SRGAP2B: variants seen among roughly 807,000 people sequenced by gnomAD.
The protein encoded by SRGAP2B is SLIT-ROBO Rho GTPase activating protein 2B, also known as SLIT-ROBO Rho GTPase-activating protein 2B.
A neutral mutation model predicts 22.2 loss-of-function variants in SRGAP2B; 9 were observed. The ratio of observed to expected loss-of-function variants is 0.41; its 90% CI spans 0.24 to 0.71. The LOEUF (loss-of-function observed/expected upper bound fraction) is 0.71, where lower values mean the gene tolerates loss of function less well. Among genes scored for constraint, SRGAP2B ranks in the 30% least tolerant of loss-of-function variants. SRGAP2B has a pLI of 0.35. For synonymous variants in SRGAP2B, 36 were observed against 87.4 expected (o/e 0.41, Z 3.28); for missense variants, 114 against 235.8 (o/e 0.48, Z 3.38).
At chr1:144,979,996 A>G (rs1291673803) in intron 3 of SRGAP2B, among the ~76,000 whole-genome samples, 2 of 150,754 alleles carry the variant, frequency 1.3e-5, no homozygotes, top group Non-Finnish European at 2.9e-5. Context: ...GAAAGGACAC[A>G]CATTTCCACC....
At chr1:144,911,666 G>T (rs1377452277) in intron 5 of SRGAP2B, among the ~76,000 whole-genome samples, 1 of 147,418 alleles carries the variant, frequency 6.8e-6, no homozygotes. Flanking sequence ...CCCCCAGGCT[G>T]GAGTGCAGTG....
At chr1:144,907,684 T>C (rs1345263615) in intron 5 of SRGAP2B, among the ~76,000 whole-genome samples, 2 of 150,050 alleles carry the variant, frequency 1.3e-5, no homozygotes, top group Admixed American at 6.6e-5. Flanking sequence ...GGGATGCTGC[T>C]GAACATCCCA....
intron 4 of SRGAP2B, among the ~76,000 whole-genome samples, chr1:144,945,747 TTA>T (rs1666447692): frequency 1.5e-5 from 2 of 136,368 alleles, no homozygotes; most frequent in South Asian, 5.3e-4. Context: ...TTGAAAAAAA[TTA>T]TCTGATTCCA....
chr1:144,944,586 CAAAAAAA>C (rs3061760), intron 4 of SRGAP2B, among the ~76,000 whole-genome samples: 30 of 17,826 alleles, frequency 1.7e-3, no homozygotes, highest in African/African-American at 4.7e-3. Flanking sequence ...GTCTCCATCT[CAAAAAAA>C]AAAAAAAAAA....
At position 144,995,916 on chromosome 1, in the gene SRGAP2B, A is replaced by G. The variant is rs587629468; in HGVS notation, c.68-716T>C. ...AGAATGAAAATCATTTTTTAAGAAGACTTGGAAAGAGATTTTTTTCACTAA... is the reference window on the plus strand; with the variant it reads ...AGAATGAAAATCATTTTTTAAGAAGGCTTGGAAAGAGATTTTTTTCACTAA... On this transcript the variant is annotated intron_variant, in intron 2 of 9. Coordinates refer to ENST00000612199, the Ensembl canonical transcript of SRGAP2B. Among the ~76,000 whole-genome samples the G allele has an allele frequency of 7.2e-3, 1,091 of 150,944 alleles. 28 individuals carry two copies. Among genetic ancestry groups the G allele is most frequent in the Non-Finnish European group, 0.01 (711 of 67,950 alleles).
At chr1:144,985,558 A>G (rs1669650157) in intron 3 of SRGAP2B, among the ~76,000 whole-genome samples, 1 of 151,394 alleles carries the variant, frequency 6.6e-6, no homozygotes, top group Non-Finnish European at 1.5e-5. Flanking sequence ...CTGCTGGGCC[A>G]TATTAACACA....
At chr1:144,912,120 T>G (rs1558744213) in intron 5 of SRGAP2B, among the ~76,000 whole-genome samples, 1 of 148,584 alleles carries the variant, frequency 6.7e-6, no homozygotes, top group Admixed American at 6.7e-5. Flanking sequence ...CCAGCTATTT[T>G]TTTTTGTATT....
chr1:144,920,107 G>A (rs1664117568), intron 4 of SRGAP2B, among the ~76,000 whole-genome samples: 1 of 150,842 alleles, frequency 6.6e-6, no homozygotes, highest in East Asian at 1.9e-4. Context: ...GCGCTGATTG[G>A]TGCGTTTTTA....
intron 4 of SRGAP2B, among the ~76,000 whole-genome samples, chr1:144,933,890 G>A (rs1333822779): frequency 6.6e-6 from 1 of 151,950 alleles, no homozygotes; most frequent in Non-Finnish European, 1.5e-5. Context: ...CCTGAAAGTG[G>A]CAAAAGTTTG....
At chr1:144,939,677 G>A (rs1286350293) in intron 4 of SRGAP2B, among the ~76,000 whole-genome samples, 1 of 149,452 alleles carries the variant, frequency 6.7e-6, no homozygotes, top group African/African-American at 2.5e-5. Context: ...CTGAATTTGA[G>A]TAAAGCAATA....
At chr1:144,986,695 CAT>C (rs1371503022) in intron 3 of SRGAP2B, among the ~76,000 whole-genome samples, 1 of 141,456 alleles carries the variant, frequency 7.1e-6, no homozygotes, top group Non-Finnish European at 1.5e-5. Flanking sequence ...GCATCGTTGC[CAT>C]AGTTACCCTT....
Position 145,045,241 on chromosome 1 carries a change from G to A in SRGAP2B, c.67+47594C>T, listed in dbSNP as rs587771639. On this transcript the variant is annotated intron_variant, in intron 2 of 9. Coordinates refer to ENST00000612199, the Ensembl canonical transcript of SRGAP2B. ...GAACCCGGGAGGCGGAGCTTGCAGC[G>A]AGCCGAGATCTAGCCACTGCACTCC... is the stretch of plus-strand genomic sequence containing the variant. 8.5e-5 allele frequency among the ~76,000 whole-genome samples: 10 copies of A among 117,356 alleles called. No homozygotes were observed. The South Asian group carries it at 2.3e-3, about 27-fold the overall frequency. 77.0% of individuals were successfully genotyped at this position (117,356 alleles called of 152,430 possible).
intron 7 of SRGAP2B, among the ~76,000 whole-genome samples, 160 bp downstream of exon 7, chr1:144,904,931 C>T (rs2101694826): frequency 9.1e-6 from 1 of 110,030 alleles, no homozygotes. Context: ...TGAAGTGTTT[C>T]ACTTGGTGCT....
intron 3 of SRGAP2B, among the ~76,000 whole-genome samples, chr1:144,963,891 G>A (rs587725431): frequency 6.6e-6 from 1 of 151,160 alleles, no homozygotes; most frequent in African/African-American, 2.5e-5. Context: ...ATGCCAAATA[G>A]CAATAAGCCA....
intron 2 of SRGAP2B, among the ~76,000 whole-genome samples, chr1:145,017,062 C>T (rs1343976563): frequency 4.3e-5 from 6 of 139,322 alleles, no homozygotes; most frequent in East Asian, 2.2e-4. Flanking sequence ...TGGGCTCAAG[C>T]GATTCCCATG....
chr1:145,030,266 T>A, intron 2 of SRGAP2B, among the ~76,000 whole-genome samples: 1 of 150,082 alleles, frequency 6.7e-6, no homozygotes, highest in East Asian at 1.9e-4. Context: ...TTTATTTCTA[T>A]TTTTCAGAAC....
intron 4 of SRGAP2B, among the ~76,000 whole-genome samples, chr1:144,945,592 A>G (rs1468404262): frequency 9.3e-5 from 12 of 128,710 alleles, no homozygotes; most frequent in Non-Finnish European, 1.7e-4. Context: ...ATCTCTTTAA[A>G]ACAAACAAAC....
At position 145,041,023 on chromosome 1, in the gene SRGAP2B, A is replaced by G. The variant is rs1337882989; in HGVS notation, c.68-45823T>C. Reference sequence around the variant, plus strand: ...CATAGCTCTATTTATTTATTTTTTCAAATTACTTATCACCATCTGAAAAAA... The same window carrying G: ...CATAGCTCTATTTATTTATTTTTTCGAATTACTTATCACCATCTGAAAAAA... On this transcript the variant is annotated intron_variant, in intron 2 of 9. Coordinates refer to ENST00000612199, the Ensembl canonical transcript of SRGAP2B. Among the ~76,000 whole-genome samples, 7 of 128,006 alleles carry G rather than the reference A, an allele frequency of 5.5e-5. No homozygotes were observed. In the East Asian group the frequency reaches 6.6e-4, roughly 12 times the overall value. 84.0% of individuals were successfully genotyped at this position (128,006 alleles called of 152,430 possible). A position where few individuals can be genotyped will look rare whatever the true frequency, so the allele number is the denominator to read the frequency against.
intron 5 of SRGAP2B, among the ~76,000 whole-genome samples, chr1:144,913,018 C>T (rs1378885937): frequency 8.2e-5 from 11 of 133,364 alleles, no homozygotes; most frequent in African/African-American, 3.0e-4. Flanking sequence ...GGTAGCAGCT[C>T]GGCCCTCTGC....
Sources: gnomAD v4.1 joint callset for allele counts (sites outside exome capture counted in the v4.1 genomes callset) on GRCh38, gnomAD v4.1.1 for gene constraint, MANE v1.5 for transcripts, NCBI Gene and HGNC (gene_info 2026-07-23, HGNC 2026-07-21) for gene names.